Variants in DCT observed in about 807,000 individuals in gnomAD.
DCT encodes dopachrome tautomerase, also known as L-dopachrome tautomerase.
Under a neutral mutation model 53.0 loss-of-function variants are expected in DCT, and 47 were observed. The observed-to-expected ratio is 0.89, with a 90% CI of 0.70 to 1.13. DCT has a LOEUF of 1.13. Among genes scored for constraint, DCT ranks in the 50% most tolerant of loss-of-function variants. The probability of loss-of-function intolerance (pLI) is 0.00; values close to 1 mark genes in which losing one functional copy is unlikely to be tolerated. For synonymous variants in DCT, 244 were observed against 237.0 expected, an observed-to-expected ratio of 1.03 and a Z score of -0.27; for missense variants, 669 against 637.4, an observed-to-expected ratio of 1.05 and a Z score of -0.53.
chr13:94,527,752 C>A, the DCT span, among the ~76,000 whole-genome samples: 1 of 152,112 alleles, frequency 6.6e-6, no homozygotes, highest in African/African-American at 2.4e-5. Context: ...TGCAGCTCCT[C>A]GCCAGCAAGG....
intron 6 of DCT, among the ~76,000 whole-genome samples, chr13:94,453,919 C>T (rs1242999507): frequency 6.6e-6 from 1 of 152,146 alleles, no homozygotes; most frequent in Admixed American, 6.5e-5. Context: ...GACTGATACA[C>T]CTATCCTTCT....
chr13:94,499,970 G>T, the DCT span, among the ~76,000 whole-genome samples: 4 of 152,116 alleles, frequency 2.6e-5, no homozygotes, highest in African/African-American at 9.7e-5. Flanking sequence ...TGATAATCAA[G>T]CTAATTAACA....
At chr13:94,540,062 T>C in the DCT span, among the ~76,000 whole-genome samples, 1 of 152,196 alleles carries the variant, frequency 6.6e-6, no homozygotes, top group Non-Finnish European at 1.5e-5. Context: ...TTTCATTGTG[T>C]ACTTCCTTTT....
rs1280483922 is a variant in DCT at position 94,462,129 on chromosome 13, T to C, written c.924A>G (p.Arg308=). 3 of 1,613,356 alleles carry C rather than the reference T, an allele frequency of 1.9e-6. No individual in the cohort carries two copies. The highest frequency in any genetic ancestry group is 1.7e-6 in the Non-Finnish European group (2 of 1,179,782). Residue 308 remains arginine, a synonymous_variant, in exon 5 of 8, where the codon AGA becomes AGG. Coordinates refer to ENST00000377028, the MANE Select transcript of DCT (RefSeq NM_001922.5). Reference sequence around the variant, plus strand: ...TGCTGTTTCTTCCCATTTGATTTCTTCTCAGCAAACCTTCATAGGTTCCAT... The same window carrying C: ...TGCTGTTTCTTCCCATTTGATTTCTCCTCAGCAAACCTTCATAGGTTCCAT... The part of the protein sequence containing the change: ...LCNGTYEGLL[R]RNQMGRNSMK...
the DCT span, among the ~76,000 whole-genome samples, chr13:94,545,477 TTCCTAGTTTTTG>T: frequency 6.6e-6 from 1 of 152,102 alleles, no homozygotes; most frequent in Non-Finnish European, 1.5e-5. Context: ...ACTGACAGCT[TTCCTAGTTTTTG>T]TCCTCATTTC....
upstream of DCT, among the ~76,000 whole-genome samples, chr13:94,481,496 C>A (rs1885442638): frequency 6.6e-6 from 1 of 152,132 alleles, no homozygotes; most frequent in South Asian, 2.1e-4. Flanking sequence ...TTTGTGAAGC[C>A]TTGGGGCTCC....
chr13:94,457,745 C>T (rs1015449061), intron 6 of DCT, among the ~76,000 whole-genome samples: 5 of 152,214 alleles, frequency 3.3e-5, no homozygotes, highest in African/African-American at 7.2e-5. Flanking sequence ...AGAAGACACA[C>T]AGACAGGGTT....
chr13:94,519,452 T>A, the DCT span, among the ~76,000 whole-genome samples: 1 of 152,174 alleles, frequency 6.6e-6, no homozygotes, highest in African/African-American at 2.4e-5. Context: ...TGGATACTTG[T>A]TCAAATCTCA....
intron 1 of DCT, 45 bp from the exon 2 acceptor site, chr13:94,469,090 G>A (rs369577205): frequency 6.7e-6 from 10 of 1,502,640 alleles, no homozygotes; most frequent in East Asian, 4.5e-5. Context: ...GGTTTATGTC[G>A]TTTGGAAGAA....
chr13:94,442,767 C>T (rs754055598), intron 7 of DCT, among the ~76,000 whole-genome samples: 48 of 152,252 alleles, frequency 3.2e-4, no homozygotes, highest in Non-Finnish European at 5.4e-4. Flanking sequence ...ACCTATCCAT[C>T]GCAGGTGGTA....
chr13:94,494,106 A>G, the DCT span, among the ~76,000 whole-genome samples: 1 of 152,208 alleles, frequency 6.6e-6, no homozygotes, highest in Non-Finnish European at 1.5e-5. Context: ...CCAAAAGACA[A>G]GAAGCTCCAG....
chr13:94,490,514 A>AAAAAAC, the DCT span, among the ~76,000 whole-genome samples: 3 of 142,220 alleles, frequency 2.1e-5, no homozygotes, highest in Non-Finnish European at 4.6e-5. Flanking sequence ...CAAAAAAAAA[A>AAAAAAC]AAAAAAAAAA....
At chr13:94,513,655 A>G in the DCT span, among the ~76,000 whole-genome samples, 287 of 152,088 alleles carry the variant, frequency 1.9e-3, 1 homozygote, top group Non-Finnish European at 7.9e-4. Context: ...GACTCTACTC[A>G]GTTCCCAGAG....
chr13:94,548,228 T>G, the DCT span, among the ~76,000 whole-genome samples: 20 of 151,816 alleles, frequency 1.3e-4, no homozygotes, highest in Non-Finnish European at 2.8e-4. Flanking sequence ...CTGTTATGTA[T>G]AAAATGGGGA....
intron 3 of DCT, 119 bp downstream of exon 3, chr13:94,466,439 A>C (rs912610290): frequency 3.9e-5 from 23 of 591,306 alleles, no homozygotes; most frequent in African/African-American, 5.6e-5. Flanking sequence ...TTAGTGCACT[A>C]ATCACTTATC....
intron 6 of DCT, among the ~76,000 whole-genome samples, chr13:94,457,934 C>T (rs983118254): frequency 9.2e-5 from 14 of 152,148 alleles, no homozygotes; most frequent in African/African-American, 3.4e-4. Context: ...GACTTGATGT[C>T]CCCCTATCAG....
chr13:94,545,572 C>G, the DCT span, among the ~76,000 whole-genome samples: 1 of 152,080 alleles, frequency 6.6e-6, no homozygotes, highest in African/African-American at 2.4e-5. Flanking sequence ...CTAACTCCAG[C>G]TTCCCAGACC....
At chr13:94,521,241 G>T in the DCT span, among the ~76,000 whole-genome samples, 1 of 152,234 alleles carries the variant, frequency 6.6e-6, no homozygotes, top group African/African-American at 2.4e-5. Flanking sequence ...GGATAAAAGA[G>T]AGAATGCGTA....
At chr13:94,472,555 TATATATATATATA>T (rs1233920915) in intron 1 of DCT, among the ~76,000 whole-genome samples, 17 of 30,612 alleles carry the variant, frequency 5.6e-4, no homozygotes, top group African/African-American at 1.2e-3. Context: ...TATATATATA[TATATATATATATA>T]TTTTTTTTTT....
Sources: allele counts gnomAD v4.1 joint callset (sites outside exome capture counted in the v4.1 genomes callset), GRCh38; gene constraint gnomAD v4.1.1; transcripts MANE v1.5; gene names NCBI Gene and HGNC (gene_info 2026-07-23, HGNC 2026-07-21).